The following CALN1 variants were observed in gnomAD, a reference collection of about 807,000 sequenced individuals.
The protein encoded by CALN1 is calneuron 1.
A neutral mutation model predicts 30.6 loss-of-function variants in CALN1; 17 were observed. The ratio of observed to expected loss-of-function variants is 0.56; its 90% CI spans 0.38 to 0.83. The LOEUF is 0.83. Among genes scored for constraint, CALN1 ranks in the 40% least tolerant of loss-of-function variants. The probability of loss-of-function intolerance (pLI) is 0.00; values close to 1 mark genes in which losing one functional copy is unlikely to be tolerated. For synonymous variants in CALN1, 156 were observed against 131.4 expected, an observed-to-expected ratio of 1.19 and a Z score of -1.28; for missense variants, 291 against 354.9, an observed-to-expected ratio of 0.82 and a Z score of 1.45.
At chr7:72,162,389 A>G (rs1788174390) in intron 3 of CALN1, among the ~76,000 whole-genome samples, 1 of 152,126 alleles carries the variant, frequency 6.6e-6, no homozygotes, top group Non-Finnish European at 1.5e-5. Context: ...GATGGTGGCC[A>G]AAAGCAGATA....
At chr7:72,182,330 G>C (rs919346348) in intron 3 of CALN1, among the ~76,000 whole-genome samples, 7 of 152,128 alleles carry the variant, frequency 4.6e-5, no homozygotes, top group Admixed American at 2.6e-4. Context: ...AACACAGTGG[G>C]ATGTGTTCTC....
intron 3 of CALN1, among the ~76,000 whole-genome samples, chr7:72,177,426 A>G (rs1470215552): frequency 6.6e-6 from 1 of 152,108 alleles, no homozygotes; most frequent in Non-Finnish European, 1.5e-5. Flanking sequence ...GATTATTCTC[A>G]AAGAGCTCAG....
chr7:72,240,674 C>T (rs1794770620), intron 3 of CALN1, among the ~76,000 whole-genome samples: 1 of 152,214 alleles, frequency 6.6e-6, no homozygotes, highest in African/African-American at 2.4e-5. Flanking sequence ...GGATTCGTTG[C>T]TGTTAAGTTT....
chr7:72,041,279 A>G (rs2129533904), intron 4 of CALN1, among the ~76,000 whole-genome samples: 1 of 152,306 alleles, frequency 6.6e-6, no homozygotes, highest in East Asian at 1.9e-4. Context: ...CAGAGGGCCA[A>G]GTAGGATGAA....
intron 3 of CALN1, among the ~76,000 whole-genome samples, chr7:72,201,983 C>A (rs1384544397): frequency 1.3e-5 from 2 of 152,108 alleles, no homozygotes; most frequent in East Asian, 3.8e-4. Context: ...ATGCGTAAAA[C>A]CCTTTCAAAA....
intron 3 of CALN1, among the ~76,000 whole-genome samples, chr7:72,185,636 C>T (rs1790134032): frequency 6.6e-6 from 1 of 152,190 alleles, no homozygotes; most frequent in African/African-American, 2.4e-5. Context: ...ACCCAAATCT[C>T]ATCTTGAATT....
chr7:72,493,715 T>C, the CALN1 span, among the ~76,000 whole-genome samples: 1 of 152,330 alleles, frequency 6.6e-6, no homozygotes, highest in East Asian at 1.9e-4. Context: ...CTCAAACATT[T>C]TGGTTACTAT....
At chr7:72,411,918 G>GA (rs1373302155) in intron 1 of CALN1, 140 bp downstream of exon 1, 5 of 152,082 alleles carry the variant, frequency 3.3e-5, no homozygotes, top group African/African-American at 7.2e-5. Flanking sequence ...AACCGATAAA[G>GA]AAAAAATCAT....
At chr7:72,256,253 G>A (rs369733272) in intron 3 of CALN1, among the ~76,000 whole-genome samples, 3 of 152,268 alleles carry the variant, frequency 2.0e-5, no homozygotes, top group East Asian at 3.9e-4. Flanking sequence ...GAGGTCAGAA[G>A]TCTGAGACAA....
At chr7:72,143,726 A>G (rs1417908052) in intron 3 of CALN1, among the ~76,000 whole-genome samples, 6 of 152,200 alleles carry the variant, frequency 3.9e-5, no homozygotes, top group Non-Finnish European at 8.8e-5. Context: ...AGCCAGAGAG[A>G]AAGGTCGGGT....
At chr7:71,931,787 T>C (rs1402651935) in intron 5 of CALN1, among the ~76,000 whole-genome samples, 1 of 152,178 alleles carries the variant, frequency 6.6e-6, no homozygotes, top group Non-Finnish European at 1.5e-5. Flanking sequence ...GTGGCAGGAA[T>C]TACAGATTAT....
chr7:72,263,705 C>T (rs1323321243), intron 3 of CALN1, among the ~76,000 whole-genome samples: 1 of 152,192 alleles, frequency 6.6e-6, no homozygotes, highest in Non-Finnish European at 1.5e-5. Context: ...CACGAGCCAC[C>T]ATGCCCAGCC....
intron 5 of CALN1, among the ~76,000 whole-genome samples, chr7:71,972,893 T>G (rs1797918981): frequency 6.6e-6 from 1 of 152,118 alleles, no homozygotes; most frequent in Non-Finnish European, 1.5e-5. Context: ...TTGTTCCCCA[T>G]ATTTTGCAGC....
chr7:72,466,606 G>C, the CALN1 span, among the ~76,000 whole-genome samples: 1 of 152,014 alleles, frequency 6.6e-6, no homozygotes, highest in Admixed American at 6.6e-5. Context: ...TAGCCGGAGT[G>C]GTGGTGGGCA....
At chr7:72,294,099 A>C (rs903928528) in intron 2 of CALN1, among the ~76,000 whole-genome samples, 2 of 152,060 alleles carry the variant, frequency 1.3e-5, no homozygotes, top group Admixed American at 6.6e-5. Flanking sequence ...CCACAAAAAA[A>C]CAAAATGAGA....
chr7:72,423,407 C>T (rs1807680039), intron 1 of CALN1, among the ~76,000 whole-genome samples: 6 of 152,154 alleles, frequency 3.9e-5, no homozygotes, highest in Admixed American at 3.9e-4. Context: ...AGCAGAGGGG[C>T]AGGGCAGGAG....
chr7:72,065,916 A>G (rs1179639582), intron 4 of CALN1, among the ~76,000 whole-genome samples: 1 of 152,088 alleles, frequency 6.6e-6, no homozygotes, highest in Non-Finnish European at 1.5e-5. Context: ...GAAAAGAAAA[A>G]AAGAAACAGC....
intron 5 of CALN1, among the ~76,000 whole-genome samples, chr7:71,991,762 T>C (rs1008215371): frequency 1.3e-5 from 2 of 152,264 alleles, no homozygotes; most frequent in East Asian, 1.9e-4. Context: ...TAGAGGAAGG[T>C]TGTGGCTGGT....
intron 2 of CALN1, among the ~76,000 whole-genome samples, chr7:72,314,364 T>TATATACATATAC (rs1554365663): frequency 8.6e-6 from 1 of 116,880 alleles, no homozygotes; most frequent in Non-Finnish European, 1.5e-5. Context: ...TATATACATA[T>TATATACATATAC]ACATATATAC....
Sources: gnomAD v4.1 joint callset for allele counts (sites outside exome capture counted in the v4.1 genomes callset) on GRCh38, gnomAD v4.1.1 for gene constraint, MANE v1.5 for transcripts, NCBI Gene and HGNC (gene_info 2026-07-23, HGNC 2026-07-21) for gene names.